Variants in ZNF236 observed in about 807,000 individuals in gnomAD.
The protein encoded by ZNF236 is regulated by glucose.
ZNF236 carries 50 observed loss-of-function variants against 191.2 expected under a neutral mutation model. That is an observed-to-expected ratio of 0.26 (90% CI 0.21 to 0.33). The LOEUF (loss-of-function observed/expected upper bound fraction) is 0.33, where lower values mean the gene tolerates loss of function less well. ZNF236 is among the 10% of genes least tolerant of loss of function. The pLI is 1.00. For synonymous variants in ZNF236, 907 were observed against 928.8 expected (o/e 0.98, Z 0.43); for missense variants, 1,754 against 2,374.5 (o/e 0.74, Z 5.43).
intron 1 of ZNF236, among the ~76,000 whole-genome samples, chr18:76,831,353 T>C (rs1975164110): frequency 6.6e-6 from 1 of 152,246 alleles, no homozygotes; most frequent in Non-Finnish European, 1.5e-5. Flanking sequence ...CATTCCTCCA[T>C]GTCTTTTCAA....
intron 3 of ZNF236, among the ~76,000 whole-genome samples, chr18:76,854,366 C>A (rs1425169668): frequency 2.0e-5 from 3 of 151,976 alleles, no homozygotes; most frequent in Non-Finnish European, 2.9e-5. Context: ...ACTTTTGTAA[C>A]CTACCTTTTT....
At position 76,908,465 on chromosome 18, in the gene ZNF236, G is replaced by T; in HGVS notation, c.2443G>T (p.Ala815Ser). ...DELPQTAEVV[A>S]ANPEAMLDLE... ...GCTGCCGCAGACGGCAGAGGTGGTC[G>T]CAGCGAACCCCGAGGCCATGCTGGA... Residue 815 changes from alanine to serine, a missense_variant, in exon 14 of 31, where the codon GCA becomes TCA. Ala to Ser is a moderately conservative substitution (Grantham distance 99). Coordinates refer to ENST00000320610, the MANE Select transcript of ZNF236 (RefSeq NM_001306089.2). 1.2e-6 allele frequency: 2 copies of T among 1,614,218 alleles called. No individual in the cohort carries two copies. The highest frequency in any genetic ancestry group is 1.7e-6 in the Non-Finnish European group (2 of 1,180,052).
At chr18:76,900,548 AT>A (rs1977560170) in intron 11 of ZNF236, among the ~76,000 whole-genome samples, 9 of 152,206 alleles carry the variant, frequency 5.9e-5, no homozygotes, top group Admixed American at 5.2e-4. Flanking sequence ...ATAGGATACA[AT>A]CTTTGATTAC....
chr18:76,947,573 G>T lies in ZNF236; in HGVS notation c.4835G>T (p.Gly1612Val). 1 of 1,614,098 alleles carries T rather than the reference G, an allele frequency of 6.2e-7. No homozygotes were observed. Among genetic ancestry groups the T allele is most frequent in the South Asian group, 1.1e-5 (1 of 91,070 alleles). ...LTDPSLSGQG[G>V]AGSPQVILVS... is the part of the protein sequence containing the mutation. The stretch of plus-strand genomic sequence containing the variant: ...GATCCCTCTCTCTCGGGCCAGGGTG[G>T]AGCAGGCTCGCCGCAAGTCATACTA... Residue 1612 changes from glycine to valine, a missense_variant, in exon 27 of 31, where the codon GGA becomes GTA. Transcript: ENST00000320610.
At chr18:76,897,342 A>T (rs371758361) in intron 10 of ZNF236, among the ~76,000 whole-genome samples, 1 of 151,700 alleles carries the variant, frequency 6.6e-6, no homozygotes, top group Non-Finnish European at 1.5e-5. Context: ...ATGCTACCAA[A>T]CACAGTAATA....
At chr18:76,836,656 C>T (rs987222185) in intron 1 of ZNF236, among the ~76,000 whole-genome samples, 3 of 152,094 alleles carry the variant, frequency 2.0e-5, no homozygotes, top group African/African-American at 7.2e-5. Flanking sequence ...CGGCTCACTG[C>T]AAGCTCTGCT....
intron 1 of ZNF236, among the ~76,000 whole-genome samples, chr18:76,827,116 G>C (rs113096091): frequency 1.3e-5 from 2 of 151,972 alleles, no homozygotes; most frequent in African/African-American, 4.8e-5. Flanking sequence ...GGCTAGTCTC[G>C]AACTCCTGAC....
intron 3 of ZNF236, among the ~76,000 whole-genome samples, chr18:76,853,605 G>A (rs1268046253): frequency 2.0e-5 from 3 of 152,156 alleles, no homozygotes; most frequent in African/African-American, 7.2e-5. Flanking sequence ...GGGATAGGGG[G>A]ATTGGGGAGC....
At position 76,895,223 on chromosome 18, in the gene ZNF236, A is replaced by G; in HGVS notation, c.1628A>G (p.Gln543Arg). ...THTGIKAFKCQYCMKSFSTSG... is the reference protein window; with the variant it reads ...THTGIKAFKCRYCMKSFSTSG... ...ACCGGCATCAAGGCGTTCAAGTGCC[A>G]GTACTGCATGAAGAGCTTCTCCACC... Residue 543 changes from glutamine to arginine, a missense_variant, in exon 10 of 31, where the codon CAG becomes CGG. By Grantham distance (43) the Gln-to-Arg change is conservative. Transcript: ENST00000320610. 1 of 1,600,856 alleles carries G rather than the reference A, an allele frequency of 6.2e-7. No homozygotes were observed. The highest frequency in any genetic ancestry group is 8.5e-7 in the Non-Finnish European group (1 of 1,179,948).
rs138552149 is a variant in ZNF236 at position 76,823,694 on chromosome 18, C to T, written c.55+1032C>T. On this transcript the variant is annotated intron_variant, in intron 1 of 30. Transcript: ENST00000320610. ...ACACACAACCGGGCACCCCCAGACC[C>T]TGGCCCTTCCAGCAGTCAGGAATTG... 3.1e-4 allele frequency among the ~76,000 whole-genome samples: 48 copies of T among 152,392 alleles called. No homozygotes were observed. The East Asian group carries it at 8.1e-3, about 26-fold the overall frequency.
chr18:76,958,752 G>A (rs946571443), intron 28 of ZNF236, among the ~76,000 whole-genome samples: 1 of 152,182 alleles, frequency 6.6e-6, no homozygotes, highest in Non-Finnish European at 1.5e-5. Flanking sequence ...CTGGTCTGCA[G>A]TGCTGGGAAG....
intron 11 of ZNF236, among the ~76,000 whole-genome samples, chr18:76,903,687 TTTACCCCCAAGC>T (rs1240910735): frequency 6.6e-6 from 1 of 152,046 alleles, no homozygotes; most frequent in Admixed American, 6.6e-5. Flanking sequence ...AATTCGAAAG[TTTACCCCCAAGC>T]TTGTCCTGAA....
At chr18:76,920,135 A>G in intron 20 of ZNF236, 77 bp downstream of exon 20, 1 of 1,496,312 alleles carries the variant, frequency 6.7e-7, no homozygotes, top group Non-Finnish European at 9.0e-7. Context: ...GGTGATTTTC[A>G]CTGCAGCAGG....
At chr18:76,907,437 T>G (rs551902342) in intron 13 of ZNF236, among the ~76,000 whole-genome samples, 2 of 152,306 alleles carry the variant, frequency 1.3e-5, no homozygotes, top group African/African-American at 4.8e-5. Flanking sequence ...CACTGCAACC[T>G]CCTGCCTCAG....
chr18:76,910,526 A>G, intron 15 of ZNF236, 134 bp from the exon 16 acceptor site: 2 of 862,426 alleles, frequency 2.3e-6, no homozygotes, highest in African/African-American at 3.4e-5. Context: ...GCTTGCTAAT[A>G]GCAGCTAGTC....
In ZNF236 at chr18:76,910,684, A is replaced by T; in HGVS notation, c.2678A>T (p.His893Leu). ...PQGFTVTDTY[H>L]QQPQFPPVQQ... ...GGTTTTACAGTGACTGATACGTACC[A>T]TCAGCAGCCTCAGTTTCCACCTGTC... is the stretch of plus-strand genomic sequence containing the variant. Residue 893 changes from histidine (H) to leucine (L), a missense_variant, in exon 16 of 31, where the codon CAT becomes CTT. Physicochemically the swap from His to Leu is moderately conservative, Grantham distance 99. Coordinates refer to ENST00000320610, the MANE Select transcript of ZNF236 (RefSeq NM_001306089.2). 1 of 1,614,236 alleles carries T rather than the reference A, an allele frequency of 6.2e-7. No individual in the cohort carries two copies. Among genetic ancestry groups the T allele is most frequent in the Non-Finnish European group, 8.5e-7 (1 of 1,180,040 alleles).
At chr18:76,943,791 A>G (rs1026516281) in intron 26 of ZNF236, among the ~76,000 whole-genome samples, 1 of 152,208 alleles carries the variant, frequency 6.6e-6, no homozygotes, top group Admixed American at 6.5e-5. Context: ...TGCCTTTCTT[A>G]GCCTTGATCT....
chr18:76,927,168 A>G lies in ZNF236; in HGVS notation c.4159A>G (p.Asn1387Asp). The change falls in exon 23 of 31, where the codon AAC becomes GAC. Residue 1387 changes from asparagine to aspartate, a missense_variant. Asn to Asp is a conservative substitution (Grantham distance 23). Transcript: ENST00000320610. This position sits in a 1 kb window ranked among gnomAD's most constrained non-coding sequence, Gnocchi z 5.4. Reference protein sequence around the residue: ...ISGIDAASINNITLQIDPSIL... With the variant: ...ISGIDAASINDITLQIDPSIL... ...TGGAATCGATGCTGCCAGCATTAAT[A>G]ACATTACGTTGCAGGTATGACACCT... 1 of 1,614,038 alleles carries G rather than the reference A, an allele frequency of 6.2e-7. No individual in the cohort carries two copies. The highest frequency in any genetic ancestry group is 8.5e-7 in the Non-Finnish European group (1 of 1,179,898).
rs1967465384 is a variant in ZNF236, at chr18:76,919,155, G to A, written c.3275-621G>A. Among the ~76,000 whole-genome samples the A allele has an allele frequency of 6.6e-6, 1 of 152,162 alleles. No homozygotes were observed. Among genetic ancestry groups the A allele is most frequent in the South Asian group, 2.1e-4 (1 of 4,830 alleles). ...CTATATTTATGAATACCGGTAGCTT[G>A]TGTGGACACTGTCAGCCTCAAAGCT... is the stretch of plus-strand genomic sequence containing the variant. On this transcript the variant is annotated intron_variant, in intron 19 of 30. Coordinates refer to ENST00000320610, the MANE Select transcript of ZNF236 (RefSeq NM_001306089.2). The surrounding 1 kb of genome is among the most constrained non-coding windows in gnomAD (Gnocchi z 5.3).
Sources: allele counts gnomAD v4.1 joint callset (sites outside exome capture counted in the v4.1 genomes callset), GRCh38; gene constraint gnomAD v4.1.1; non-coding constraint Gnocchi (gnomAD v3.1); transcripts MANE v1.5; gene names NCBI Gene and HGNC (gene_info 2026-07-23, HGNC 2026-07-21).